Variants in SLC25A12 observed in about 807,000 individuals in gnomAD.
SLC25A12 encodes the protein electrogenic aspartate/glutamate antiporter SLC25A12, mitochondrial.
SLC25A12 carries 32 observed loss-of-function variants against 83.3 expected under a neutral mutation model. The observed-to-expected ratio is 0.38, with a 90% confidence interval of 0.29 to 0.52. The LOEUF is 0.52. Among genes scored for constraint, SLC25A12 ranks in the 20% least tolerant of loss-of-function variants. The pLI is 0.84. For synonymous variants in SLC25A12, 267 were observed against 291.1 expected (o/e 0.92, Z 0.84); for missense variants, 611 against 835.6 (o/e 0.73, Z 3.31).
intron 14 of SLC25A12, among the ~76,000 whole-genome samples, chr2:171,793,298 T>C (rs1683527817): frequency 1.3e-5 from 2 of 152,080 alleles, no homozygotes; most frequent in African/African-American, 4.8e-5. Context: ...CATAAGACTA[T>C]TTTGAAGCCC....
In SLC25A12 at chr2:171,791,564, T is replaced by C. The variant is rs1281445147; in HGVS notation, c.1472A>G (p.Asp491Gly). The change falls in exon 15 of 18, where the codon GAC (aspartate) becomes GGC (glycine). Residue 491 changes from aspartate (D) to glycine (G), a missense_variant. Physicochemically the swap from Asp to Gly is moderately conservative, Grantham distance 94. Coordinates refer to ENST00000422440, the MANE Select transcript of SLC25A12 (RefSeq NM_003705.5). ...AAAATAGATTGCAGAGAAGGGAATG[T>C]CTCGGAGGAAACACGCTTTGGCACC... ...YKGAKACFLR[D>G]IPFSAIYFPV... 6.2e-7 allele frequency: 1 copy of C among 1,613,856 alleles called. No homozygotes were observed. Among genetic ancestry groups the C allele is most frequent in the African/African-American group, 1.3e-5 (1 of 74,910 alleles).
chr2:171,788,990 AAAT>A (rs1162166560), intron 15 of SLC25A12: 8 of 152,254 alleles, frequency 5.3e-5, no homozygotes, highest in African/African-American at 1.9e-4. Context: ...AGTTCCATGG[AAAT>A]ATTTACTTGG....
chr2:171,783,995 A>C lies in SLC25A12; in HGVS notation c.*1279T>G, dbSNP rs1234380676. Among the ~76,000 whole-genome samples the C allele has an allele frequency of 1.3e-5, 2 of 152,222 alleles. No homozygotes were observed. The highest frequency in any genetic ancestry group is 2.9e-5 in the Non-Finnish European group (2 of 68,040). ...CTGGCAGTAGCAATAATGTCTTCCC[A>C]GAGCACTTTGGTAAGGTAAATAAAT... On this transcript the variant is annotated 3_prime_UTR_variant, in exon 18 of 18. Coordinates refer to ENST00000422440, the MANE Select transcript of SLC25A12 (RefSeq NM_003705.5).
At chr2:171,886,171 A>C (rs974002462) in intron 2 of SLC25A12, among the ~76,000 whole-genome samples, 2 of 151,806 alleles carry the variant, frequency 1.3e-5, no homozygotes, top group African/African-American at 4.8e-5. Context: ...TAGTATCTGC[A>C]TAACTTTCAT....
chr2:171,837,390 C>T (rs1684582211), intron 5 of SLC25A12, 123 bp from the exon 6 acceptor site: 2 of 1,040,822 alleles, frequency 1.9e-6, no homozygotes, highest in East Asian at 2.4e-5. Flanking sequence ...AAACAATGCA[C>T]AGATCTGAAT....
rs780919220 is a variant in SLC25A12 at position 171,893,189 on chromosome 2, A to G, written c.66+16T>C. The G allele has an allele frequency of 1.2e-6, 2 of 1,612,374 alleles. No individual in the cohort carries two copies. The highest frequency in any genetic ancestry group is 1.7e-5 in the Admixed American group (1 of 60,020). On this transcript the variant is annotated intron_variant, in intron 2 of 17. Transcript: ENST00000422440. ...TTGTTTTTGCAATGAAAGGCACACT[A>G]TGCAAGCCAATTTACCTGTAGAAAT...
At chr2:171,878,621 T>TA (rs1685620147) in intron 2 of SLC25A12, among the ~76,000 whole-genome samples, 1 of 151,932 alleles carries the variant, frequency 6.6e-6, no homozygotes, top group Non-Finnish European at 1.5e-5. Context: ...CATGTGGCTG[T>TA]AATATGAGTC....
Position 171,813,342 on chromosome 2 carries a change from T to C in SLC25A12, c.1168A>G (p.Arg390Gly). 1.2e-6 allele frequency: 2 copies of C among 1,614,006 alleles called. No individual in the cohort carries two copies. Among genetic ancestry groups the C allele is most frequent in the Non-Finnish European group, 1.7e-6 (2 of 1,179,894 alleles). The change falls in exon 11 of 18, where the codon AGG becomes GGG. Residue 390 changes from arginine (R) to glycine (G), a missense_variant. Physicochemically the swap from Arg to Gly is moderately radical, Grantham distance 125. Around this residue, in one of 3 missense-constraint regions of SLC25A12, gnomAD observed 540 missense variants for 777.5 expected, o/e 0.69. Transcript: ENST00000422440. ...CAGCTGGGATTTGCTTACTCACCCC[T>C]GTAGAGTCCAAAGAAGCCCTCATAA... is the stretch of plus-strand genomic sequence containing the variant. ...LRYEGFFGLY[R>G]GLIPQLIGVA...
At chr2:171,820,885 C>G (rs544800916) in intron 9 of SLC25A12, among the ~76,000 whole-genome samples, 1 of 151,990 alleles carries the variant, frequency 6.6e-6, no homozygotes, top group South Asian at 2.1e-4. Context: ...TATCTCACTT[C>G]CCTCAAATCA....
At chr2:171,805,390 C>T (rs188487519) in intron 13 of SLC25A12, among the ~76,000 whole-genome samples, 191 of 152,180 alleles carry the variant, frequency 1.3e-3, no homozygotes, top group African/African-American at 4.3e-3. Context: ...GGATTACAGG[C>T]GTGAGCCACC....
chr2:171,860,101 A>ATGCACTTAAAGCCACTGAACTG (rs1448517755), intron 3 of SLC25A12, among the ~76,000 whole-genome samples: 14 of 152,174 alleles, frequency 9.2e-5, no homozygotes, highest in African/African-American at 3.1e-4. Context: ...AACAATGTGA[A>ATGCACTTAAAGCCACTGAACTG]TGCACTTAAA....
chr2:171,869,336 G>A (rs1311548337), intron 2 of SLC25A12, among the ~76,000 whole-genome samples: 1 of 152,154 alleles, frequency 6.6e-6, no homozygotes, highest in African/African-American at 2.4e-5. Context: ...TTTACATTAT[G>A]TGAATTTTAT....
At chr2:171,893,655 C>G (rs1685991046) in intron 1 of SLC25A12, among the ~76,000 whole-genome samples, 1 of 152,176 alleles carries the variant, frequency 6.6e-6, no homozygotes. Context: ...CAGCCTTTCT[C>G]CATAAAAAGC....
chr2:171,805,716 A>G (rs998124714), intron 13 of SLC25A12, among the ~76,000 whole-genome samples: 14 of 152,232 alleles, frequency 9.2e-5, no homozygotes, highest in Non-Finnish European at 2.9e-5. Context: ...ATCATCATCA[A>G]CAATAGTAGT....
intron 3 of SLC25A12, among the ~76,000 whole-genome samples, chr2:171,857,390 T>C (rs1685069240): frequency 6.6e-6 from 1 of 151,100 alleles, no homozygotes; most frequent in East Asian, 2.0e-4. Context: ...TAAATTAAAA[T>C]AAAACTTTTA....
At chr2:171,849,944 G>A (rs1394536686) in intron 4 of SLC25A12, among the ~76,000 whole-genome samples, 1 of 151,942 alleles carries the variant, frequency 6.6e-6, no homozygotes, top group Non-Finnish European at 1.5e-5. Flanking sequence ...TGGGATTACA[G>A]GTGCATACCA....
At chr2:171,863,150 G>T (rs572869139) in intron 3 of SLC25A12, among the ~76,000 whole-genome samples, 1 of 151,960 alleles carries the variant, frequency 6.6e-6, no homozygotes, top group African/African-American at 2.4e-5. Context: ...CGATCCTCCC[G>T]CCTCAGCCTC....
At chr2:171,836,112 CTTCT>C (rs1310614510) in intron 6 of SLC25A12, among the ~76,000 whole-genome samples, 5 of 151,586 alleles carry the variant, frequency 3.3e-5, no homozygotes, top group Non-Finnish European at 2.9e-5. Flanking sequence ...TCTTTCCTTC[CTTCT>C]TTCATTTTTT....
rs142179562 is a variant in SLC25A12 at position 171,791,578 on chromosome 2, C to T, written c.1458G>A (p.Ala486=). Residue 486 remains alanine (A), a synonymous_variant, in exon 15 of 18, where the codon GCG becomes GCA. Transcript: ENST00000422440. The part of the protein sequence containing the change: ...GIFGLYKGAK[A]CFLRDIPFSA... ...AGAAGGGAATGTCTCGGAGGAAACA[C>T]GCTTTGGCACCCTGTCACACAGTGA... 7,516 of 1,613,902 alleles carry T rather than the reference C, an allele frequency of 4.7e-3. 27 individuals carry two copies. Among genetic ancestry groups the T allele is most frequent in the Non-Finnish European group, 5.2e-3 (6,175 of 1,179,850 alleles).
Sources: gnomAD v4.1 joint callset for allele counts (sites outside exome capture counted in the v4.1 genomes callset) on GRCh38, gnomAD v4.1.1 for gene constraint, gnomAD v4.1.1 regional missense constraint, MANE v1.5 for transcripts, NCBI Gene and HGNC (gene_info 2026-07-23, HGNC 2026-07-21) for gene names.